Variants in TRHDE observed in about 807,000 individuals in gnomAD.
The protein encoded by TRHDE is thyrotropin releasing hormone degrading enzyme.
Under a neutral mutation model 125.7 loss-of-function variants are expected in TRHDE, and 72 were observed. The observed-to-expected ratio is 0.57, with a 90% confidence interval of 0.47 to 0.70. TRHDE has a LOEUF of 0.70. Among genes scored for constraint, TRHDE ranks in the 30% least tolerant of loss-of-function variants. TRHDE has a pLI of 0.00. For missense variants in TRHDE, 1,110 were observed against 1,327.1 expected (o/e 0.84, Z 2.54); for synonymous variants, 509 against 509.1 (o/e 1.00, Z 0.00).
At chr12:72,123,828 C>T (rs922554022) in intron 2 of TRHDE, among the ~76,000 whole-genome samples, 1 of 152,086 alleles carries the variant, frequency 6.6e-6, no homozygotes, top group Non-Finnish European at 1.5e-5. Context: ...TGCCTCATTA[C>T]AATCATCCTT....
At chr12:72,603,756 C>G (rs1422705769) in intron 12 of TRHDE, among the ~76,000 whole-genome samples, 1 of 144,818 alleles carries the variant, frequency 6.9e-6, no homozygotes, top group Non-Finnish European at 1.5e-5. Context: ...AACAAAACAA[C>G]AACAACAACA....
intron 2 of TRHDE, chr12:72,257,215 A>G (rs1878839096): frequency 6.6e-6 from 1 of 152,200 alleles, no homozygotes; most frequent in Non-Finnish European, 1.5e-5. Context: ...TCCAAAATCC[A>G]AAACTATTTC....
intron 6 of TRHDE, among the ~76,000 whole-genome samples, chr12:72,532,688 A>G: frequency 6.6e-6 from 1 of 151,320 alleles, no homozygotes. Context: ...AATGCAATTA[A>G]TTATAATATG....
chr12:72,223,603 G>T (rs1412891949), intron 2 of TRHDE, among the ~76,000 whole-genome samples: 1 of 151,964 alleles, frequency 6.6e-6, no homozygotes, highest in African/African-American at 2.4e-5. Flanking sequence ...CCAAATTACA[G>T]ACCTGTTAAT....
chr12:72,409,842 C>T (rs1438382232), intron 3 of TRHDE, among the ~76,000 whole-genome samples: 2 of 151,762 alleles, frequency 1.3e-5, no homozygotes, highest in Non-Finnish European at 2.9e-5. Context: ...TAAAATAGAA[C>T]CATAGTAACT....
chr12:72,270,466 C>T (rs988379999), upstream of TRHDE, among the ~76,000 whole-genome samples: 2 of 152,190 alleles, frequency 1.3e-5, no homozygotes, highest in African/African-American at 4.8e-5. Flanking sequence ...TTGGTCTCTT[C>T]TCTTTGGTCA....
At chr12:72,640,037 T>G (rs1243501443) in intron 15 of TRHDE, among the ~76,000 whole-genome samples, 2 of 152,156 alleles carry the variant, frequency 1.3e-5, no homozygotes, top group African/African-American at 4.8e-5. Flanking sequence ...TCCACCCAGT[T>G]CCAGCTTCCC....
intron 2 of TRHDE, 137 bp downstream of exon 2, chr12:72,287,091 G>A (rs892264462): frequency 4.2e-6 from 4 of 960,292 alleles, no homozygotes; most frequent in Non-Finnish European, 6.0e-6. Context: ...TCTTATGGGG[G>A]GGTTTTTACA....
intron 2 of TRHDE, among the ~76,000 whole-genome samples, chr12:72,168,169 A>G (rs985580317): frequency 6.6e-6 from 1 of 152,188 alleles, no homozygotes; most frequent in Non-Finnish European, 1.5e-5. Flanking sequence ...CTAGTATGAG[A>G]AAATAGGTTT....
At chr12:72,513,985 A>T (rs1312321926) in intron 6 of TRHDE, among the ~76,000 whole-genome samples, 1 of 152,130 alleles carries the variant, frequency 6.6e-6, no homozygotes, top group Non-Finnish European at 1.5e-5. Context: ...TTCTCCTGAA[A>T]ATTTGCAACT....
In TRHDE at chr12:72,665,152, A is replaced by C. The variant is rs1701704644; in HGVS notation, c.*1957A>C. On this transcript the variant is annotated 3_prime_UTR_variant, in exon 19 of 19. Transcript: ENST00000261180. ...GGTCCCAAATATGTGGTCTATCACCACTGAATTCATGTAATAGATAAGAAA... is the reference window on the plus strand; with the variant it reads ...GGTCCCAAATATGTGGTCTATCACCCCTGAATTCATGTAATAGATAAGAAA... 1 of 152,036 alleles carries C rather than the reference A, an allele frequency of 6.6e-6. No individual in the cohort carries two copies. Among genetic ancestry groups the C allele is most frequent in the African/African-American group, 2.4e-5 (1 of 41,438 alleles). 9.4% of individuals were successfully genotyped at this position (152,036 alleles called of 1,614,324 possible).
intron 2 of TRHDE, among the ~76,000 whole-genome samples, chr12:72,320,702 A>G (rs1352546226): frequency 1.3e-5 from 2 of 152,140 alleles, no homozygotes; most frequent in Non-Finnish European, 2.9e-5. Flanking sequence ...AAAAAATGCA[A>G]TATGTGATAA....
intron 2 of TRHDE, among the ~76,000 whole-genome samples, chr12:72,132,803 A>G (rs973381374): frequency 1.4e-4 from 21 of 152,218 alleles, no homozygotes; most frequent in African/African-American, 4.8e-4. Flanking sequence ...ACAGACTGAT[A>G]GACACTACAA....
intron 1 of TRHDE, among the ~76,000 whole-genome samples, chr12:72,277,665 G>A (rs116088992): frequency 0.021 from 3,140 of 151,932 alleles, 115 homozygotes; most frequent in African/African-American, 0.072. Context: ...CCAGTAAACC[G>A]TATCTAGACA....
At chr12:72,552,811 G>A (rs1869740500) in intron 7 of TRHDE, among the ~76,000 whole-genome samples, 2 of 152,102 alleles carry the variant, frequency 1.3e-5, no homozygotes, top group Non-Finnish European at 2.9e-5. Context: ...GTTGTTAGAG[G>A]GGGATAAAGG....
intron 12 of TRHDE, among the ~76,000 whole-genome samples, chr12:72,593,875 A>G (rs1592559948): frequency 6.6e-6 from 1 of 152,148 alleles, no homozygotes; most frequent in Admixed American, 6.5e-5. Context: ...ATAGTATTCC[A>G]TGGTGTATAT....
chr12:72,260,723 G>C (rs1878931278), intron 2 of TRHDE, among the ~76,000 whole-genome samples: 1 of 152,052 alleles, frequency 6.6e-6, no homozygotes, highest in African/African-American at 2.4e-5. Flanking sequence ...TGAAAGAAGG[G>C]AGTAGTAAGG....
chr12:72,166,855 A>T (rs567115733), intron 2 of TRHDE, among the ~76,000 whole-genome samples: 3 of 152,204 alleles, frequency 2.0e-5, no homozygotes, highest in African/African-American at 7.2e-5. Context: ...ACATACAGTG[A>T]TAAATCTAAT....
At chr12:72,381,688 G>T (rs1386511478) in intron 3 of TRHDE, among the ~76,000 whole-genome samples, 8 of 152,130 alleles carry the variant, frequency 5.3e-5, no homozygotes, top group Non-Finnish European at 8.8e-5. Context: ...GAGCCACCGC[G>T]CCCGGCCGAA....
Sources: gnomAD v4.1 joint callset for allele counts (sites outside exome capture counted in the v4.1 genomes callset) on GRCh38, gnomAD v4.1.1 for gene constraint, MANE v1.5 for transcripts, NCBI Gene and HGNC (gene_info 2026-07-23, HGNC 2026-07-21) for gene names.